SLC9C1: variants seen among roughly 807,000 people sequenced by gnomAD.
SLC9C1 encodes solute carrier family 9 member C1.
A neutral mutation model predicts 140.9 loss-of-function variants in SLC9C1; 97 were observed. That is an observed-to-expected ratio of 0.69 (90% CI 0.58 to 0.82). The LOEUF (loss-of-function observed/expected upper bound fraction) is 0.82. Among genes scored for constraint, SLC9C1 ranks in the 40% least tolerant of loss-of-function variants. SLC9C1 has a pLI of 0.00. For synonymous variants in SLC9C1, 440 were observed against 442.6 expected (o/e 0.99, Z 0.07); for missense variants, 1,340 against 1,389.3 (o/e 0.96, Z 0.56).
intron 2 of SLC9C1, 140 bp from the exon 3 acceptor site, chr3:112,280,923 A>G: frequency 1.4e-6 from 1 of 711,636 alleles, no homozygotes. Flanking sequence ...CCTCACACTT[A>G]TCAGCACACA....
intron 20 of SLC9C1, among the ~76,000 whole-genome samples, chr3:112,195,819 T>C (rs140080049): frequency 0.013 from 1,950 of 152,236 alleles, 12 homozygotes; most frequent in Middle Eastern, 0.054. Flanking sequence ...TCCAAAAACA[T>C]GAAATATTTT....
intron 1 of SLC9C1, among the ~76,000 whole-genome samples, chr3:112,287,264 A>G (rs1322667890): frequency 6.6e-6 from 1 of 152,242 alleles, no homozygotes; most frequent in Non-Finnish European, 1.5e-5. Context: ...CAGATTATCT[A>G]AGCCTCTGCA....
At chr3:112,250,557 C>T (rs1374136760) in intron 10 of SLC9C1, among the ~76,000 whole-genome samples, 1 of 151,878 alleles carries the variant, frequency 6.6e-6, no homozygotes, top group Admixed American at 6.6e-5. Flanking sequence ...TATTTCTCCA[C>T]ATCCTCTCCA....
chr3:112,240,168 CT>C (rs1419301134), intron 11 of SLC9C1, among the ~76,000 whole-genome samples, 162 bp from the exon 12 acceptor site: 13 of 152,180 alleles, frequency 8.5e-5, no homozygotes, highest in Non-Finnish European at 1.5e-4. Flanking sequence ...ACATTTTCTG[CT>C]TTCATATTTC....
intron 1 of SLC9C1, among the ~76,000 whole-genome samples, chr3:112,290,055 G>A (rs1243823717): frequency 6.6e-6 from 1 of 152,136 alleles, no homozygotes; most frequent in Non-Finnish European, 1.5e-5. Context: ...GGAAGCCCCT[G>A]CCATTAGGAA....
intron 8 of SLC9C1, 21 bp downstream of exon 8, chr3:112,266,217 C>A: frequency 6.6e-7 from 1 of 1,517,814 alleles, no homozygotes; most frequent in South Asian, 1.2e-5. Flanking sequence ...GAAATAAAGT[C>A]AAAATATGCT....
chr3:112,212,441 G>A (rs1025049394), intron 15 of SLC9C1, among the ~76,000 whole-genome samples: 2 of 152,164 alleles, frequency 1.3e-5, no homozygotes, highest in Non-Finnish European at 2.9e-5. Context: ...CCATGGCAAA[G>A]AAGCTATAAA....
rs2077923838 is a variant in SLC9C1 at position 112,202,249 on chromosome 3, C to G, written c.2322+1G>C. The stretch of plus-strand genomic sequence containing the variant: ...TTTCTTAGGATTTAAGGTTTTCTTA[C>G]CTGTTTAATCTGTTTAGAACTTGTA... On this transcript the variant is annotated splice_donor_variant, in intron 18 of 28. Transcript: ENST00000305815. LOFTEE classifies it high-confidence loss of function. 6.2e-7 allele frequency: 1 copy of G among 1,608,102 alleles called. No homozygotes were observed. Among genetic ancestry groups the G allele is most frequent in the Non-Finnish European group, 8.5e-7 (1 of 1,178,048 alleles).
intron 8 of SLC9C1, among the ~76,000 whole-genome samples, chr3:112,265,542 G>A (rs181431407): frequency 6.6e-6 from 1 of 152,092 alleles, no homozygotes. Context: ...TAAAAACCAT[G>A]GTTTACTTTC....
At chr3:112,231,174 T>TTTTC (rs71134811) in intron 13 of SLC9C1, among the ~76,000 whole-genome samples, 187 bp downstream of exon 13, 86,877 of 150,164 alleles carry the variant, frequency 0.58, 25,540 homozygotes, top group East Asian at 0.78. Context: ...CTTTCTTTCT[T>TTTTC]TTTCTTTCTT....
chr3:112,289,104 T>A (rs900611386), intron 1 of SLC9C1, among the ~76,000 whole-genome samples: 3 of 152,162 alleles, frequency 2.0e-5, no homozygotes, highest in African/African-American at 7.2e-5. Context: ...GCTCAATTTT[T>A]AGTCTCAAAG....
intron 17 of SLC9C1, 71 bp downstream of exon 17, chr3:112,204,147 A>G: frequency 7.5e-7 from 1 of 1,337,464 alleles, no homozygotes; most frequent in African/African-American, 1.5e-5. Flanking sequence ...AAACTAGTAA[A>G]CTAATTTTAC....
Position 112,166,146 on chromosome 3 carries a change from C to T in SLC9C1, c.3364+1075G>A, listed in dbSNP as rs140587501. ...GCACAGTATTAGGGTGGGAGTGACC[C>T]GATTTTCCAGGCGCCGTCTGTCACC... On this transcript the variant is annotated intron_variant, in intron 26 of 28. Transcript: ENST00000305815. Among the ~76,000 whole-genome samples, 271 of 152,288 alleles carry T rather than the reference C, an allele frequency of 1.8e-3. 6 individuals carry two copies. In the East Asian group the frequency reaches 0.043, roughly 24 times the overall value.
intron 23 of SLC9C1, 142 bp from the exon 24 acceptor site, chr3:112,169,470 G>A (rs1014045358): frequency 3.8e-6 from 3 of 788,582 alleles, no homozygotes; most frequent in African/African-American, 1.8e-5. Flanking sequence ...TTAGTAAAAT[G>A]TGTCTATCAA....
chr3:112,263,025 T>C lies in SLC9C1; in HGVS notation c.1096A>G (p.Ile366Val). Residue 366 changes from isoleucine (I) to valine (V), a missense_variant, in exon 10 of 29, where the codon ATA (isoleucine) becomes GTA (valine). Ile to Val is a conservative substitution (Grantham distance 29, BLOSUM62 3). Transcript: ENST00000305815. ...GHEFSWRWIFIMVCSEMKGMP... is the reference protein window; with the variant it reads ...GHEFSWRWIFVMVCSEMKGMP... ...CCCTTCATTTCACTACAGACCATTA[T>C]GAATATCCAGCGCCAACTGAACTCA... is the stretch of plus-strand genomic sequence containing the variant. 1.2e-6 allele frequency: 2 copies of C among 1,608,182 alleles called. No homozygotes were observed. Among genetic ancestry groups the C allele is most frequent in the South Asian group, 1.1e-5 (1 of 90,132 alleles).
At chr3:112,192,265 T>G (rs2077678945) in intron 20 of SLC9C1, among the ~76,000 whole-genome samples, 1 of 152,110 alleles carries the variant, frequency 6.6e-6, no homozygotes, top group African/African-American at 2.4e-5. Flanking sequence ...ATTCCCCATT[T>G]CAACTTCCCC....
chr3:112,211,567 C>T (rs953181955), intron 15 of SLC9C1, among the ~76,000 whole-genome samples: 64 of 152,254 alleles, frequency 4.2e-4, no homozygotes, highest in African/African-American at 1.5e-3. Flanking sequence ...ATATCCCGCA[C>T]CTGGCTCGGA....
At chr3:112,264,875 G>A (rs1030281119) in intron 8 of SLC9C1, among the ~76,000 whole-genome samples, 5 of 152,024 alleles carry the variant, frequency 3.3e-5, no homozygotes, top group African/African-American at 1.2e-4. Flanking sequence ...TTAAAGAGGA[G>A]TGGTGGACAT....
intron 25 of SLC9C1, 91 bp downstream of exon 25, chr3:112,168,786 G>A (rs940328893): frequency 1.4e-5 from 17 of 1,225,804 alleles, no homozygotes; most frequent in Non-Finnish European, 1.8e-5. Flanking sequence ...AAGATGAAAA[G>A]CTTAAGATTA....
Sources: gnomAD v4.1 joint callset for allele counts (sites outside exome capture counted in the v4.1 genomes callset) on GRCh38, gnomAD v4.1.1 for gene constraint, MANE v1.5 for transcripts, NCBI Gene and HGNC (gene_info 2026-07-23, HGNC 2026-07-21) for gene names.